Variants in ERG observed in about 807,000 individuals in gnomAD.
ERG encodes ETS transcription factor ERG, also known as transcriptional regulator ERG.
In ERG, 9 loss-of-function variants were observed where a neutral mutation model predicts 55.3. That is an observed-to-expected ratio of 0.16 (90% CI 0.10 to 0.28). The LOEUF (loss-of-function observed/expected upper bound fraction) is 0.28, where lower values mean the gene tolerates loss of function less well. ERG is among the 10% of genes least tolerant of loss of function. The pLI, the probability that ERG is intolerant of heterozygous loss-of-function variation, is 1.00. For missense variants in ERG, 434 were observed against 631.6 expected (o/e 0.69, Z 3.35); for synonymous variants, 223 against 237.3 (o/e 0.94, Z 0.55).
chr21:38,575,652 C>T (rs765371414), intron 2 of ERG: 25 of 1,611,212 alleles, frequency 1.6e-5, no homozygotes, highest in Admixed American at 8.3e-5. Context: ...CCAGCCAAGA[C>T]GGGACTTACC....
intron 1 of ERG, among the ~76,000 whole-genome samples, chr21:38,462,731 T>C (rs2059054837): frequency 6.6e-6 from 1 of 152,148 alleles, no homozygotes; most frequent in South Asian, 2.1e-4. Flanking sequence ...TTGTGCATCC[T>C]AACTGACGAG....
chr21:38,434,458 C>G (rs903742261), intron 2 of ERG, among the ~76,000 whole-genome samples: 2 of 152,220 alleles, frequency 1.3e-5, no homozygotes, highest in Non-Finnish European at 2.9e-5. Context: ...TCTCTACAAG[C>G]CTTTCCTGGG....
chr21:38,588,738 A>G (rs1401075661), upstream of ERG, among the ~76,000 whole-genome samples: 1 of 152,098 alleles, frequency 6.6e-6, no homozygotes, highest in Admixed American at 6.5e-5. Context: ...CTTTGTTTTG[A>G]TACAGGATTC....
At chr21:38,395,429 T>G in intron 6 of ERG, 1 of 220,402 alleles carries the variant, frequency 4.5e-6, no homozygotes. Flanking sequence ...AAGAATATAT[T>G]TTACATTTAA....
intron 1 of ERG, among the ~76,000 whole-genome samples, chr21:38,581,540 G>A (rs1458163305): frequency 6.6e-6 from 1 of 152,160 alleles, no homozygotes; most frequent in African/African-American, 2.4e-5. Context: ...GAAAGAGTGA[G>A]TCTTGATTAG....
intron 1 of ERG, among the ~76,000 whole-genome samples, chr21:38,637,378 T>G (rs939021835): frequency 1.3e-5 from 2 of 152,214 alleles, no homozygotes; most frequent in African/African-American, 4.8e-5. Context: ...ATCTGGGTGT[T>G]CAAAATAGTC....
chr21:38,499,516 G>C (rs139257633), upstream of ERG, among the ~76,000 whole-genome samples: 504 of 152,104 alleles, frequency 3.3e-3, 2 homozygotes, highest in African/African-American at 0.012. Flanking sequence ...CTCAATAGGC[G>C]ACCCCAAGAA....
chr21:38,556,925 C>T (rs2059862053), intron 2 of ERG, among the ~76,000 whole-genome samples: 1 of 152,182 alleles, frequency 6.6e-6, no homozygotes, highest in African/African-American at 2.4e-5. Flanking sequence ...GGGGTAGCCC[C>T]TCACATCTGC....
chr21:38,469,679 C>G (rs982833245), intron 1 of ERG, among the ~76,000 whole-genome samples: 1 of 152,100 alleles, frequency 6.6e-6, no homozygotes, highest in Admixed American at 6.5e-5. Flanking sequence ...AAACAAAAAA[C>G]CCAGAACTTC....
At chr21:38,468,313 C>T (rs76004364) in intron 1 of ERG, among the ~76,000 whole-genome samples, 2 of 152,144 alleles carry the variant, frequency 1.3e-5, no homozygotes, top group Non-Finnish European at 2.9e-5. Flanking sequence ...TAGCTCTGTG[C>T]AATAGAAAAT....
chr21:38,464,514 C>T lies in ERG; in HGVS notation c.19-18893G>A, dbSNP rs183817202. Among the ~76,000 whole-genome samples the T allele has an allele frequency of 1.6e-4, 24 of 152,214 alleles. No homozygotes were observed. In the South Asian group the frequency reaches 1.7e-3, roughly 11 times the overall value. On this transcript the variant is annotated intron_variant, in intron 1 of 9. Transcript: ENST00000288319. ...AATTCCAACTGCTAACCTATCATATCGACGAATTCTTTGAAGTTGCCTTTA... is the reference window on the plus strand; with the variant it reads ...AATTCCAACTGCTAACCTATCATATTGACGAATTCTTTGAAGTTGCCTTTA...
At chr21:38,619,270 A>G (rs2060276340) in intron 1 of ERG, among the ~76,000 whole-genome samples, 2 of 152,198 alleles carry the variant, frequency 1.3e-5, no homozygotes, top group African/African-American at 4.8e-5. Flanking sequence ...AGAGAGCCAG[A>G]GAAGAGCCTT....
intron 2 of ERG, among the ~76,000 whole-genome samples, chr21:38,526,428 A>G (rs1053265826): frequency 2.0e-5 from 3 of 152,346 alleles, no homozygotes; most frequent in Non-Finnish European, 4.4e-5. Flanking sequence ...TCAGAGCAGG[A>G]CTGTAAGACT....
intron 1 of ERG, among the ~76,000 whole-genome samples, chr21:38,599,058 C>G (rs2060148207): frequency 6.6e-6 from 1 of 152,270 alleles, no homozygotes; most frequent in Admixed American, 6.5e-5. Context: ...AGGCTGCCTC[C>G]AAGGGTTCCC....
chr21:38,588,102 C>CTTTGCCAG (rs1342286391), upstream of ERG, among the ~76,000 whole-genome samples: 1 of 152,222 alleles, frequency 6.6e-6, no homozygotes, highest in Non-Finnish European at 1.5e-5. Context: ...CGAAGAGAAG[C>CTTTGCCAG]TTTGCCAGAG....
chr21:38,545,838 C>T (rs186662518), intron 2 of ERG, among the ~76,000 whole-genome samples: 189 of 152,360 alleles, frequency 1.2e-3, no homozygotes, highest in African/African-American at 4.2e-3. Context: ...AACCCTCCAA[C>T]TCCACAGTGT....
In ERG at chr21:38,381,775, A is replaced by G. The variant is rs776995645; in HGVS notation, c.*1628T>C. On this transcript the variant is annotated 3_prime_UTR_variant, in exon 10 of 10. Transcript: ENST00000288319. ...GCCTCTTTCCATTCCAGGCATAAAT[A>G]TGGAGGCTCCAATGTGAAACCCGGG... 1.6e-5 allele frequency: 17 copies of G among 1,063,182 alleles called. No individual in the cohort carries two copies. The highest frequency in any genetic ancestry group is 1.5e-4 in the African/African-American group (9 of 60,948). The allele number at this position is 1,063,182 out of a possible 1,614,324, so 65.9% of individuals were successfully genotyped here.
chr21:38,514,756 G>T (rs2059539233), intron 2 of ERG, among the ~76,000 whole-genome samples: 2 of 151,788 alleles, frequency 1.3e-5, no homozygotes, highest in South Asian at 4.1e-4. Flanking sequence ...TAGTAAAGAA[G>T]GCAAGGAAAT....
chr21:38,652,466 A>C (rs981891027), intron 1 of ERG, among the ~76,000 whole-genome samples: 1 of 152,256 alleles, frequency 6.6e-6, no homozygotes, highest in Non-Finnish European at 1.5e-5. Flanking sequence ...TTTAAAATTC[A>C]GAAGCAAAAT....
Sources: allele counts gnomAD v4.1 joint callset (sites outside exome capture counted in the v4.1 genomes callset), GRCh38; gene constraint gnomAD v4.1.1; transcripts MANE v1.5; gene names NCBI Gene and HGNC (gene_info 2026-07-23, HGNC 2026-07-21).